Variants in DGKZ observed in about 807,000 individuals in gnomAD.
The protein encoded by DGKZ is DAG kinase zeta.
A neutral mutation model predicts 142.5 loss-of-function variants in DGKZ; 45 were observed. That is an observed-to-expected ratio of 0.32 (90% CI 0.25 to 0.40). The LOEUF (loss-of-function observed/expected upper bound fraction) is 0.40. DGKZ is among the 10% of genes least tolerant of loss of function. The pLI, the probability that DGKZ is intolerant of heterozygous loss-of-function variation, is 1.00. For synonymous variants in DGKZ, 442 were observed against 527.0 expected, an observed-to-expected ratio of 0.84 and a Z score of 2.21; for missense variants, 755 against 1,306.5, an observed-to-expected ratio of 0.58 and a Z score of 6.51.
chr11:46,368,048 T>C, exon 4 of DGKZ: 5 of 1,613,986 alleles, frequency 3.1e-6, no homozygotes, highest in Non-Finnish European at 4.2e-6. Flanking sequence ...AAGATTGTGG[T>C]GCACACGCCC....
chr11:46,335,439 A>G (rs1939968856), intron 1 of DGKZ, among the ~76,000 whole-genome samples: 1 of 152,110 alleles, frequency 6.6e-6, no homozygotes, highest in Non-Finnish European at 1.5e-5. Context: ...ACACACACAC[A>G]CACACACACA....
At chr11:46,364,152 A>G (rs141103153) in intron 1 of DGKZ, among the ~76,000 whole-genome samples, 396 of 152,240 alleles carry the variant, frequency 2.6e-3, no homozygotes, top group African/African-American at 8.5e-3. Flanking sequence ...GGACCCTGCA[A>G]CCCACCCCAT....
At chr11:46,365,171 G>A in intron 1 of DGKZ, 1 of 985,460 alleles carries the variant, frequency 1.0e-6, no homozygotes, top group Non-Finnish European at 1.2e-6. Flanking sequence ...GTGGGAGCTA[G>A]GATGATGCCC....
At chr11:46,379,591 G>C in intron 30 of DGKZ, 23 bp downstream of exon 30, 1 of 1,578,196 alleles carries the variant, frequency 6.3e-7, no homozygotes, top group Non-Finnish European at 8.6e-7. Context: ...CAGGCAGGGA[G>C]CCCACGAGGG....
intron 1 of DGKZ, chr11:46,364,227 C>A: frequency 1.7e-6 from 1 of 590,452 alleles, no homozygotes; most frequent in Non-Finnish European, 2.9e-6. Context: ...CACTGACTTG[C>A]CGTGGACTCT....
intron 9 of DGKZ, 90 bp downstream of exon 9, chr11:46,371,865 G>A: frequency 6.8e-7 from 1 of 1,461,538 alleles, no homozygotes; most frequent in Non-Finnish European, 9.4e-7. Flanking sequence ...AGCTAATGCT[G>A]CCAGCTGGTG....
exon 9 of DGKZ, chr11:46,371,756 C>A (rs1346049266): frequency 1.2e-5 from 19 of 1,613,442 alleles, no homozygotes; most frequent in Non-Finnish European, 1.6e-5. Flanking sequence ...AAGAGGAAGT[C>A]CAGCAAGAAA....
exon 8 of DGKZ, chr11:46,371,560 T>C: frequency 6.2e-7 from 1 of 1,611,000 alleles, no homozygotes; most frequent in Non-Finnish European, 8.5e-7. Context: ...CACGCAGCCG[T>C]GGTCATCCCG....
chr11:46,376,158 G>A lies in DGKZ; in HGVS notation c.2091+13G>A. The A allele has an allele frequency of 6.2e-7, 1 of 1,605,364 alleles. No individual in the cohort carries two copies. Among genetic ancestry groups the A allele is most frequent in the Non-Finnish European group, 8.5e-7 (1 of 1,177,794 alleles). ...GAGACTCCAGCAGGTAAGGGGTGGG[G>A]GCTTCCCCAGGTGCCCACCGAGAGG... On this transcript the variant is annotated intron_variant, in intron 22 of 30. Coordinates refer to ENST00000527911, the Ensembl canonical transcript of DGKZ.
upstream of DGKZ, among the ~76,000 whole-genome samples, chr11:46,346,681 G>A (rs574751413): frequency 6.6e-6 from 1 of 152,266 alleles, no homozygotes; most frequent in African/African-American, 2.4e-5. Flanking sequence ...CTTGTGAATG[G>A]GAGTGTGGTA....
At chr11:46,366,194 G>C (rs1329692835) in intron 1 of DGKZ, 7 of 1,491,046 alleles carry the variant, frequency 4.7e-6, no homozygotes, top group Non-Finnish European at 6.2e-6. Context: ...ACACAGGACA[G>C]ACCGTGGCCT....
chr11:46,339,607 T>C (rs1940178381), intron 1 of DGKZ, among the ~76,000 whole-genome samples: 2 of 152,188 alleles, frequency 1.3e-5, no homozygotes, highest in Non-Finnish European at 2.9e-5. Flanking sequence ...ACAAGGAGCT[T>C]GGGACGTGCC....
chr11:46,374,063 C>T, intron 14 of DGKZ, 94 bp from the exon 15 acceptor site: 1 of 1,380,516 alleles, frequency 7.2e-7, no homozygotes, highest in Non-Finnish European at 1.0e-6. Context: ...AGCCTGTGAA[C>T]AGATGGGCTG....
intron 14 of DGKZ, 144 bp downstream of exon 14, chr11:46,373,245 C>T (rs1944160615): frequency 4.2e-6 from 3 of 712,192 alleles, no homozygotes; most frequent in South Asian, 3.0e-5. Context: ...AATAATAGTA[C>T]TTGCCTCACA....
At chr11:46,348,022 TC>T (rs1486849140) in intron 1 of DGKZ, among the ~76,000 whole-genome samples, 1 of 152,038 alleles carries the variant, frequency 6.6e-6, no homozygotes, top group Non-Finnish European at 1.5e-5. Context: ...ACGGGCGGGA[TC>T]GGTCGGCTTG....
At chr11:46,363,365 G>C (rs1455320518) in intron 1 of DGKZ, among the ~76,000 whole-genome samples, 1 of 152,232 alleles carries the variant, frequency 6.6e-6, no homozygotes, top group Non-Finnish European at 1.5e-5. Flanking sequence ...CACTCTGACA[G>C]CCTCCCCAGA....
At chr11:46,379,741 G>A in intron 30 of DGKZ, 90 bp from the exon 31 acceptor site, 1 of 1,372,422 alleles carries the variant, frequency 7.3e-7, no homozygotes, top group Admixed American at 2.5e-5. Context: ...CCCTGACCAG[G>A]CCACAGGGAG....
chr11:46,345,334 C>G (rs75185699), upstream of DGKZ: 2 of 1,383,970 alleles, frequency 1.4e-6, no homozygotes. The surrounding 1 kb of genome is among the most constrained non-coding windows in gnomAD (Gnocchi z 4.1). Flanking sequence ...GGGCGGCCAG[C>G]GGCCTCTAGC....
Position 46,347,501 on chromosome 11 carries a change from C to A in DGKZ, c.-159C>A. On this transcript the variant is annotated 5_prime_UTR_variant, in exon 1 of 31. Transcript: ENST00000527911. The surrounding 1 kb of genome is among the most constrained non-coding windows in gnomAD (Gnocchi z 6.4). ...GCGGCGGCGGCAGCGGCTTCCCGGG[C>A]ACCTGGGCGTGGGGAGCGGGGGCGC... The A allele has an allele frequency of 1.0e-6, 1 of 982,128 alleles. No individual in the cohort carries two copies. The highest frequency in any genetic ancestry group is 1.2e-6 in the Non-Finnish European group (1 of 828,960). 60.8% of individuals were successfully genotyped at this position (982,128 alleles called of 1,614,324 possible).
Sources: gnomAD v4.1 joint callset for allele counts (sites outside exome capture counted in the v4.1 genomes callset) on GRCh38, gnomAD v4.1.1 for gene constraint, Gnocchi (gnomAD v3.1) non-coding constraint, MANE v1.5 for transcripts, NCBI Gene and HGNC (gene_info 2026-07-23, HGNC 2026-07-21) for gene names.